Variants in FANCC observed in about 807,000 individuals in gnomAD.
FANCC encodes the protein FA complementation group C, also known as Fanconi anemia group C protein.
Under a neutral mutation model 71.3 loss-of-function variants are expected in FANCC, and 55 were observed. The ratio of observed to expected loss-of-function variants is 0.77; its 90% CI spans 0.62 to 0.97. The LOEUF (loss-of-function observed/expected upper bound fraction) is 0.97. Among genes scored for constraint, FANCC ranks in the 50% least tolerant of loss-of-function variants. The pLI is 0.00. For missense variants in FANCC, 678 were observed against 670.9 expected (o/e 1.01, Z -0.12); for synonymous variants, 275 against 244.9 (o/e 1.12, Z -1.15).
In FANCC at chr9:95,249,303, C is replaced by T. The variant is rs779454514; in HGVS notation, c.-12G>A. On this transcript the variant is annotated 5_prime_UTR_variant, in exon 2 of 15. Coordinates refer to ENST00000289081, the MANE Select transcript of FANCC (RefSeq NM_000136.3). ...GAATCTTGAGCCATCTTGGAAAAAG[C>T]GAAAAGGTGATGTCCCTTCACAGCA... The T allele has an allele frequency of 1.4e-5, 23 of 1,613,636 alleles. No homozygotes were observed. The highest frequency in any genetic ancestry group is 2.7e-5 in the African/African-American group (2 of 74,892).
intron 6 of FANCC, among the ~76,000 whole-genome samples, chr9:95,166,368 T>C (rs1831068034): frequency 6.6e-6 from 1 of 152,112 alleles, no homozygotes. Flanking sequence ...CTTCTCATTT[T>C]CCATTGTACA....
chr9:95,155,604 C>T (rs1830428137), intron 6 of FANCC, among the ~76,000 whole-genome samples: 1 of 151,960 alleles, frequency 6.6e-6, no homozygotes, highest in African/African-American at 2.4e-5. Context: ...ATTATTTGTG[C>T]TTTTCATTTT....
At chr9:95,247,947 A>C (rs1279006496) in intron 2 of FANCC, among the ~76,000 whole-genome samples, 1 of 152,200 alleles carries the variant, frequency 6.6e-6, no homozygotes, top group Non-Finnish European at 1.5e-5. Context: ...CTCCAGTAAG[A>C]CTATTTCAAA....
intron 4 of FANCC, among the ~76,000 whole-genome samples, chr9:95,233,395 A>G (rs1240250505): frequency 6.6e-6 from 1 of 152,192 alleles, no homozygotes; most frequent in Non-Finnish European, 1.5e-5. Context: ...TTCACTAATC[A>G]TCTTATTTTC....
chr9:95,128,072 CAA>C (rs1259984782), intron 8 of FANCC, among the ~76,000 whole-genome samples: 2 of 152,180 alleles, frequency 1.3e-5, no homozygotes, highest in African/African-American at 4.8e-5. Context: ...GACCACCGTT[CAA>C]GAGAGGAGAG....
chr9:95,108,437 T>C (rs914431951), intron 13 of FANCC, among the ~76,000 whole-genome samples: 7 of 152,222 alleles, frequency 4.6e-5, no homozygotes, highest in African/African-American at 1.7e-4. Flanking sequence ...TTTATATCTG[T>C]TTTTTCTCTT....
At position 95,104,084 on chromosome 9, in the gene FANCC, G is replaced by A. The variant is rs993157201; in HGVS notation, c.1534-2234C>T. Among the ~76,000 whole-genome samples the A allele has an allele frequency of 2.6e-5, 4 of 152,164 alleles. No homozygotes were observed. The South Asian group carries it at 6.2e-4, about 24-fold the overall frequency. ...GCAACCATCTGGCCACCACCTGCTC[G>A]TGGGCCAAGCAGACCCGGCTCTTTC... On this transcript the variant is annotated intron_variant, in intron 14 of 14. Coordinates refer to ENST00000289081, the MANE Select transcript of FANCC (RefSeq NM_000136.3).
chr9:95,288,652 G>A (rs1303458355), intron 1 of FANCC, among the ~76,000 whole-genome samples: 2 of 152,200 alleles, frequency 1.3e-5, no homozygotes, highest in African/African-American at 4.8e-5. Flanking sequence ...CTTGCCAGGG[G>A]AAATTTCCTA....
intron 1 of FANCC, among the ~76,000 whole-genome samples, chr9:95,254,340 C>G (rs1831526890): frequency 6.6e-6 from 1 of 152,246 alleles, no homozygotes. Context: ...AGGATCAATG[C>G]AGAAGGCAGG....
intron 10 of FANCC, among the ~76,000 whole-genome samples, chr9:95,124,251 G>A (rs776891383): frequency 1.4e-4 from 21 of 152,098 alleles, no homozygotes; most frequent in Non-Finnish European, 2.9e-4. Flanking sequence ...CACAGGGGCC[G>A]TGACATACTC....
At chr9:95,278,794 A>ATTAAGCGAGCATAAGTCTGAAAC (rs141077292) in intron 1 of FANCC, among the ~76,000 whole-genome samples, 141,439 of 151,820 alleles carry the variant, frequency 0.93, 65,911 homozygotes, top group Middle Eastern at 0.98. Context: ...TATCACGGTA[A>ATTAAGCGAGCATAAGTCTGAAAC]TTATTCTACG....
chr9:95,207,880 G>A (rs540965773), intron 4 of FANCC, among the ~76,000 whole-genome samples: 1 of 152,232 alleles, frequency 6.6e-6, no homozygotes, highest in East Asian at 1.9e-4. Context: ...GTGTACGTGT[G>A]TGTCTGTCTT....
chr9:95,314,804 C>T (rs1835641685), intron 1 of FANCC, among the ~76,000 whole-genome samples: 1 of 151,932 alleles, frequency 6.6e-6, no homozygotes, highest in Non-Finnish European at 1.5e-5. Flanking sequence ...TTACTAAATA[C>T]TGCTAAGAGA....
chr9:95,148,967 C>T (rs1336976428), intron 7 of FANCC, among the ~76,000 whole-genome samples: 1 of 152,150 alleles, frequency 6.6e-6, no homozygotes, highest in Non-Finnish European at 1.5e-5. Flanking sequence ...TCATACACTT[C>T]AACCAAAACA....
chr9:95,242,343 A>G (rs917868152), intron 3 of FANCC, among the ~76,000 whole-genome samples: 7 of 152,172 alleles, frequency 4.6e-5, no homozygotes, highest in African/African-American at 1.7e-4. Flanking sequence ...CATAGTTTCA[A>G]TATTAGAAGA....
At chr9:95,101,930 C>T (rs1434255187) in intron 14 of FANCC, 80 bp from the exon 15 acceptor site, 1 of 1,525,108 alleles carries the variant, frequency 6.6e-7, no homozygotes, top group Non-Finnish European at 9.0e-7. Flanking sequence ...GGACCATAAC[C>T]ACCCAGTCCC....
intron 12 of FANCC, among the ~76,000 whole-genome samples, chr9:95,112,871 C>T (rs1193856041): frequency 6.6e-6 from 1 of 152,264 alleles, no homozygotes; most frequent in East Asian, 1.9e-4. Context: ...TGCAGCACCA[C>T]ATGCGCCCTT....
chr9:95,123,526 GA>G (rs767440313), intron 10 of FANCC: 1 of 504,960 alleles, frequency 2.0e-6, no homozygotes, highest in Middle Eastern at 3.1e-4. Flanking sequence ...CCAATATGAT[GA>G]AAAAAAGAAG....
At chr9:95,135,568 A>T in intron 7 of FANCC, 66 bp from the exon 8 acceptor site, 2 of 1,437,308 alleles carry the variant, frequency 1.4e-6, no homozygotes, top group Non-Finnish European at 1.9e-6. Context: ...GATTAAAAAA[A>T]GTTCAAAATG....
Sources: gnomAD v4.1 joint callset for allele counts (sites outside exome capture counted in the v4.1 genomes callset) on GRCh38, gnomAD v4.1.1 for gene constraint, MANE v1.5 for transcripts, NCBI Gene and HGNC (gene_info 2026-07-23, HGNC 2026-07-21) for gene names.